The following CEP128 variants were observed in gnomAD, a reference collection of about 807,000 sequenced individuals.
CEP128 encodes centrosomal protein 128, also known as centrosomal protein 128kDa.
In CEP128, 132 loss-of-function variants were observed where a neutral mutation model predicts 156.7. That is an observed-to-expected ratio of 0.84 (90% CI 0.73 to 0.97). The LOEUF (loss-of-function observed/expected upper bound fraction) is 0.97. Among genes scored for constraint, CEP128 ranks in the 50% least tolerant of loss-of-function variants. The probability of loss-of-function intolerance (pLI) is 0.00; values close to 1 mark genes in which losing one functional copy is unlikely to be tolerated. For synonymous variants in CEP128, 469 were observed against 448.9 expected, an observed-to-expected ratio of 1.04 and a Z score of -0.57; for missense variants, 1,252 against 1,281.9, an observed-to-expected ratio of 0.98 and a Z score of 0.36.
chr14:80,734,402 C>T (rs1262312971), intron 19 of CEP128, among the ~76,000 whole-genome samples: 3 of 151,934 alleles, frequency 2.0e-5, no homozygotes, highest in Non-Finnish European at 4.4e-5. Flanking sequence ...TCCCTAGTTA[C>T]TCTGCATTAT....
intron 8 of CEP128, among the ~76,000 whole-genome samples, chr14:80,863,673 A>C (rs1435902376): frequency 6.6e-6 from 1 of 152,220 alleles, no homozygotes; most frequent in African/African-American, 2.4e-5. Context: ...ATATAAGAGA[A>C]GCAATAAACA....
intron 13 of CEP128, among the ~76,000 whole-genome samples, chr14:80,815,908 T>G (rs532257796): frequency 5.3e-5 from 8 of 152,076 alleles, no homozygotes; most frequent in Non-Finnish European, 1.2e-4. Context: ...TGTGGAATAA[T>G]AGATACTGGA....
rs183400217 is a variant in CEP128 at position 80,813,149 on chromosome 14, T to G, written c.1209+17994A>C. Among the ~76,000 whole-genome samples, 720 of 152,336 alleles carry G rather than the reference T, an allele frequency of 4.7e-3. 9 individuals carry two copies. The highest frequency in any genetic ancestry group is 0.017 in the African/African-American group (693 of 41,582). ...TGTCAGATGCATAATTTGTAAATAT[T>G]TTCTCCCATTCTGTAGGTTGTCTGT... is the stretch of plus-strand genomic sequence containing the variant. On this transcript the variant is annotated intron_variant, in intron 13 of 24. Coordinates refer to ENST00000555265, the MANE Select transcript of CEP128 (RefSeq NM_152446.5).
chr14:80,782,526 C>T (rs1901182372), intron 15 of CEP128, among the ~76,000 whole-genome samples: 1 of 152,170 alleles, frequency 6.6e-6, no homozygotes, highest in South Asian at 2.1e-4. Context: ...TTCACTGCTC[C>T]TAATTTCTTG....
intron 3 of CEP128, among the ~76,000 whole-genome samples, chr14:80,915,862 A>G (rs983056674): frequency 1.3e-5 from 2 of 152,216 alleles, no homozygotes; most frequent in African/African-American, 4.8e-5. Flanking sequence ...AGGCAGAATA[A>G]TGGCCCTCAA....
intron 20 of CEP128, among the ~76,000 whole-genome samples, chr14:80,573,994 T>C (rs564259244): frequency 1.3e-5 from 2 of 152,316 alleles, no homozygotes; most frequent in East Asian, 3.9e-4. Flanking sequence ...CTTTGAGGAA[T>C]GCACCTTGAG....
intron 16 of CEP128, among the ~76,000 whole-genome samples, chr14:80,770,012 C>A (rs568591787): frequency 6.6e-6 from 1 of 152,318 alleles, no homozygotes; most frequent in Admixed American, 6.5e-5. Context: ...GATACCCACA[C>A]TACAGGGATC....
chr14:80,888,124 G>A (rs1424478852), intron 8 of CEP128, among the ~76,000 whole-genome samples: 1 of 152,172 alleles, frequency 6.6e-6, no homozygotes, highest in Non-Finnish European at 1.5e-5. Flanking sequence ...TTTGGAAATT[G>A]AAGCAGTAAT....
intron 19 of CEP128, among the ~76,000 whole-genome samples, chr14:80,703,451 T>C (rs1897138865): frequency 6.6e-6 from 1 of 151,948 alleles, no homozygotes. Flanking sequence ...AAGAACTCAT[T>C]CAAGTTCTAC....
chr14:80,618,529 TCAAA>T (rs1435560593), intron 19 of CEP128, among the ~76,000 whole-genome samples: 12 of 152,330 alleles, frequency 7.9e-5, no homozygotes, highest in African/African-American at 1.7e-4. Context: ...TCCTGGATGC[TCAAA>T]CAGTCAAATG....
rs1046043325 is a variant in CEP128, at chr14:80,719,028, G to A, written c.2806+24047C>T. 3.3e-5 allele frequency among the ~76,000 whole-genome samples: 5 copies of A among 152,190 alleles called. No individual in the cohort carries two copies. In the South Asian group the frequency reaches 6.2e-4, roughly 19 times the overall value. On this transcript the variant is annotated intron_variant, in intron 19 of 24. Transcript: ENST00000555265. ...TGTTACTCTGTCAGGATTTGGTAAA[G>A]TGAGGCCATCAGCAGGAACCGGCAG...
At chr14:80,767,508 T>G (rs973943693) in intron 16 of CEP128, among the ~76,000 whole-genome samples, 3 of 152,094 alleles carry the variant, frequency 2.0e-5, no homozygotes, top group Admixed American at 6.5e-5. Flanking sequence ...AAAATCTCCG[T>G]GGATTTACCC....
chr14:80,833,144 G>A, intron 12 of CEP128, among the ~76,000 whole-genome samples: 1 of 151,456 alleles, frequency 6.6e-6, no homozygotes, highest in East Asian at 1.9e-4. Context: ...AAATGTATTT[G>A]TTTATTTTAT....
chr14:80,621,499 A>C (rs1170262527), intron 19 of CEP128, among the ~76,000 whole-genome samples: 2 of 152,212 alleles, frequency 1.3e-5, no homozygotes, highest in Non-Finnish European at 2.9e-5. Flanking sequence ...CTAATGAATA[A>C]GGGATGATAT....
intron 19 of CEP128, among the ~76,000 whole-genome samples, chr14:80,614,629 T>C (rs1367211728): frequency 1.3e-5 from 2 of 152,232 alleles, no homozygotes. Context: ...TAGCCTGCTT[T>C]ATGAGACTCT....
chr14:80,727,515 A>G (rs990677590), intron 19 of CEP128, among the ~76,000 whole-genome samples: 1 of 152,146 alleles, frequency 6.6e-6, no homozygotes, highest in African/African-American at 2.4e-5. Flanking sequence ...CAATGAAAAC[A>G]AACATTGACA....
intron 21 of CEP128, among the ~76,000 whole-genome samples, chr14:80,555,570 T>C (rs1283707910): frequency 6.6e-6 from 1 of 152,120 alleles, no homozygotes; most frequent in Non-Finnish European, 1.5e-5. Flanking sequence ...ATAAACACAT[T>C]TGTCACAAGT....
At chr14:80,508,719 G>A (rs1490735991) in intron 23 of CEP128, among the ~76,000 whole-genome samples, 1 of 152,014 alleles carries the variant, frequency 6.6e-6, no homozygotes, top group Admixed American at 6.6e-5. Context: ...AAAATTTACT[G>A]GTAGAGTAAT....
intron 19 of CEP128, among the ~76,000 whole-genome samples, chr14:80,604,535 A>G (rs1230891611): frequency 6.6e-6 from 1 of 152,108 alleles, no homozygotes; most frequent in Non-Finnish European, 1.5e-5. Flanking sequence ...ATTATCTGCA[A>G]TGTCCTTCCT....
Sources: gnomAD v4.1 joint callset for allele counts (sites outside exome capture counted in the v4.1 genomes callset) on GRCh38, gnomAD v4.1.1 for gene constraint, MANE v1.5 for transcripts, NCBI Gene and HGNC (gene_info 2026-07-23, HGNC 2026-07-21) for gene names.